The following DCAF8L2 variants were observed in gnomAD, a reference collection of about 807,000 sequenced individuals.
The protein encoded by DCAF8L2 is DDB1- and CUL4-associated factor 8-like protein 2.
For missense variants in DCAF8L2, 430 were observed against 490.7 expected, an observed-to-expected ratio of 0.88 and a Z score of 1.17; for synonymous variants, 200 against 190.9, an observed-to-expected ratio of 1.05 and a Z score of -0.39.
intron 1 of DCAF8L2, among the ~76,000 whole-genome samples, chrX:27,596,596 A>T (rs1211584056): frequency 9.0e-6 from 1 of 111,543 alleles, no homozygotes; most frequent in Non-Finnish European, 1.9e-5. Context: ...GAAAAAGTTC[A>T]CCTAGCAGCC....
At chrX:27,593,676 C>G (rs1408665437) in intron 1 of DCAF8L2, among the ~76,000 whole-genome samples, 3 of 111,748 alleles carry the variant, frequency 2.7e-5, no homozygotes, top group South Asian at 3.8e-4. Context: ...TAGAGAAGGA[C>G]TACAGAAAAC....
At chrX:27,720,784 T>G (rs1333777289) in intron 4 of DCAF8L2, among the ~76,000 whole-genome samples, 1 of 112,319 alleles carries the variant, frequency 8.9e-6, no homozygotes, top group Admixed American at 9.4e-5. Context: ...AAATTTAGTC[T>G]TCTAATTTAT....
chrX:27,470,465 C>G, the DCAF8L2 span, among the ~76,000 whole-genome samples: 2 of 112,230 alleles, frequency 1.8e-5, no homozygotes, highest in African/African-American at 6.5e-5. Flanking sequence ...CCCTGCTGAG[C>G]TCTAATTGGT....
At chrX:27,576,568 T>G in the DCAF8L2 span, among the ~76,000 whole-genome samples, 23 of 111,990 alleles carry the variant, frequency 2.1e-4, no homozygotes, top group African/African-American at 3.9e-4. Context: ...CCTCCACATC[T>G]GGAAAACCTG....
the DCAF8L2 span, among the ~76,000 whole-genome samples, chrX:27,567,546 CATATATATAT>C: frequency 0.01 from 298 of 29,620 alleles, 6 homozygotes; most frequent in African/African-American, 0.028. Context: ...ACCACTGTAG[CATATATATAT>C]ATATATATAT....
chrX:27,725,410 G>C (rs1310653544), intron 4 of DCAF8L2, among the ~76,000 whole-genome samples: 1 of 111,091 alleles, frequency 9.0e-6, no homozygotes, highest in Non-Finnish European at 1.9e-5. Flanking sequence ...GCTGCATTGA[G>C]AGTTAATAAT....
intron 1 of DCAF8L2, among the ~76,000 whole-genome samples, chrX:27,618,586 A>T (rs1308429456): frequency 9.0e-6 from 1 of 111,542 alleles, no homozygotes; most frequent in Non-Finnish European, 1.9e-5. Flanking sequence ...TGGAGTGCAG[A>T]TGGAGCCTTT....
chrX:27,490,724 T>C, the DCAF8L2 span, among the ~76,000 whole-genome samples: 1 of 111,559 alleles, frequency 9.0e-6, no homozygotes, highest in Admixed American at 9.6e-5. Context: ...CTTCTCAAAG[T>C]GCTGGGATTA....
intron 2 of DCAF8L2, among the ~76,000 whole-genome samples, chrX:27,656,170 A>T (rs1370559780): frequency 8.9e-6 from 1 of 112,106 alleles, no homozygotes; most frequent in Non-Finnish European, 1.9e-5. Context: ...TACATCTGTG[A>T]TCACAAGATT....
chrX:27,604,491 A>G (rs1472809652), intron 1 of DCAF8L2, among the ~76,000 whole-genome samples: 1 of 111,330 alleles, frequency 9.0e-6, no homozygotes, highest in Non-Finnish European at 1.9e-5. Flanking sequence ...CACACATTAC[A>G]TCTTCCACCT....
intron 3 of DCAF8L2, among the ~76,000 whole-genome samples, chrX:27,707,170 G>A (rs1285582097): frequency 9.0e-6 from 1 of 111,030 alleles, no homozygotes; most frequent in Admixed American, 9.6e-5. Context: ...TTTCTTTCTC[G>A]GGTGGCAAAA....
chrX:27,697,898 T>G (rs185907002), intron 3 of DCAF8L2, among the ~76,000 whole-genome samples: 1 of 110,971 alleles, frequency 9.0e-6, no homozygotes, highest in East Asian at 2.8e-4. Flanking sequence ...ACAATGATAT[T>G]CGCATAAATA....
chrX:27,515,012 AAGAT>A, the DCAF8L2 span, among the ~76,000 whole-genome samples: 2 of 111,795 alleles, frequency 1.8e-5, no homozygotes, highest in South Asian at 7.4e-4. Context: ...CATATATTTC[AAGAT>A]AGATAGAAGA....
chrX:27,692,776 C>G (rs1930757775), intron 3 of DCAF8L2, among the ~76,000 whole-genome samples: 1 of 111,265 alleles, frequency 9.0e-6, no homozygotes, highest in East Asian at 2.8e-4. Context: ...TGGAAAGTTT[C>G]TGGAGACACT....
At chrX:27,560,083 C>T in the DCAF8L2 span, among the ~76,000 whole-genome samples, 6 of 109,790 alleles carry the variant, frequency 5.5e-5, no homozygotes, top group African/African-American at 2.0e-4. Context: ...CTGGCTAACA[C>T]GGTGAAACCC....
chrX:27,591,290 G>A (rs1365374570), intron 1 of DCAF8L2, among the ~76,000 whole-genome samples: 1 of 110,408 alleles, frequency 9.1e-6, no homozygotes, highest in African/African-American at 3.3e-5. Flanking sequence ...AGAAAGTTTA[G>A]CATAGCAGCT....
intron 1 of DCAF8L2, among the ~76,000 whole-genome samples, chrX:27,591,433 G>T (rs1926087491): frequency 9.0e-6 from 1 of 110,986 alleles, no homozygotes; most frequent in African/African-American, 3.3e-5. Context: ...ACAGAATTAT[G>T]ATGCTCTCTA....
intron 2 of DCAF8L2, among the ~76,000 whole-genome samples, chrX:27,634,093 C>T (rs755012485): frequency 8.9e-6 from 1 of 111,793 alleles, no homozygotes; most frequent in African/African-American, 3.3e-5. Context: ...GAATTTAGCA[C>T]ATAATATGTG....
At chrX:27,505,757 A>T in the DCAF8L2 span, among the ~76,000 whole-genome samples, 1 of 107,676 alleles carries the variant, frequency 9.3e-6, no homozygotes, top group African/African-American at 3.5e-5. Context: ...GGAACTGTGT[A>T]TTTTGCTGTT....
Sources: gnomAD v4.1 joint callset for allele counts (sites outside exome capture counted in the v4.1 genomes callset) on GRCh38, gnomAD v4.1.1 for gene constraint, MANE v1.5 for transcripts, NCBI Gene and HGNC (gene_info 2026-07-23, HGNC 2026-07-21) for gene names.